PTPRF: variants seen among roughly 807,000 people sequenced by gnomAD.
The protein encoded by PTPRF is receptor-type tyrosine-protein phosphatase F.
PTPRF carries 59 observed loss-of-function variants against 201.8 expected under a neutral mutation model. That is an observed-to-expected ratio of 0.29 (90% CI 0.24 to 0.36). The LOEUF (loss-of-function observed/expected upper bound fraction) is 0.36, where lower values mean the gene tolerates loss of function less well. Ranked by LOEUF, PTPRF falls within the 10% of genes least tolerant of loss-of-function variation. The pLI, the probability that PTPRF is intolerant of heterozygous loss-of-function variation, is 1.00. For synonymous variants in PTPRF, 1,088 were observed against 1,089.7 expected, an observed-to-expected ratio of 1.00 and a Z score of 0.03; for missense variants, 2,132 against 2,690.5, an observed-to-expected ratio of 0.79 and a Z score of 4.59.
chr1:43,619,653 G>C (rs769907297), intron 28 of PTPRF, 27 bp from the exon 29 acceptor site: 3 of 1,612,908 alleles, frequency 1.9e-6, no homozygotes, highest in Middle Eastern at 1.7e-4. Context: ...AGGAAGCCTG[G>C]CCTGACCAAT....
At chr1:43,559,753 G>A (rs1379468569) in intron 5 of PTPRF, among the ~76,000 whole-genome samples, 1 of 151,110 alleles carries the variant, frequency 6.6e-6, no homozygotes, top group Non-Finnish European at 1.5e-5. Context: ...GTGTGTGTGT[G>A]TGTGTTTGTA....
intron 5 of PTPRF, among the ~76,000 whole-genome samples, chr1:43,567,512 G>T (rs1332357443): frequency 6.6e-6 from 1 of 152,220 alleles, no homozygotes; most frequent in Non-Finnish European, 1.5e-5. Flanking sequence ...GCAAGGCCGT[G>T]CTGGGAATCC....
chr1:43,553,294 T>C lies in PTPRF; in HGVS notation c.92-198T>C, dbSNP rs6691699. Reference sequence around the variant, plus strand: ...CTAGAAACAGATACAGTTATAGCACTCACCTCATATGCTTAACAGAGTTAA... The same window carrying C: ...CTAGAAACAGATACAGTTATAGCACCCACCTCATATGCTTAACAGAGTTAA... On this transcript the variant is annotated intron_variant, in intron 3 of 33. Coordinates refer to ENST00000359947, the MANE Select transcript of PTPRF (RefSeq NM_002840.5). The surrounding 1 kb of genome is among the most constrained non-coding windows in gnomAD (Gnocchi z 4.1). Among the ~76,000 whole-genome samples, 4,745 of 152,274 alleles carry C rather than the reference T, an allele frequency of 0.031. 258 individuals are homozygous for C. The highest frequency in any genetic ancestry group is 0.11 in the African/African-American group (4,445 of 41,522).
intron 5 of PTPRF, among the ~76,000 whole-genome samples, chr1:43,568,711 G>A (rs1027689283): frequency 3.3e-5 from 5 of 151,912 alleles, no homozygotes; most frequent in Non-Finnish European, 5.9e-5. Flanking sequence ...GCAGCCCCTC[G>A]GGGCTGATAT....
Position 43,622,765 on chromosome 1 carries a change from A to G in PTPRF, c.*762A>G, listed in dbSNP as rs1659461112. 1.3e-5 allele frequency: 2 copies of G among 152,630 alleles called. No homozygotes were observed. Among genetic ancestry groups the G allele is most frequent in the South Asian group, 4.1e-4 (2 of 4,830 alleles). The allele number at this position is 152,630 out of a possible 1,614,324, so 9.5% of individuals were successfully genotyped here. A position where few individuals can be genotyped will look rare whatever the true frequency, so the allele number is the denominator to read the frequency against. ...TCGTCTATCCCAGTGTGTGTTTAAC[A>G]TTCACAGCCCAGAACCACAGATGTG... On this transcript the variant is annotated 3_prime_UTR_variant, in exon 34 of 34. Transcript: ENST00000359947.
upstream of PTPRF, among the ~76,000 whole-genome samples, chr1:43,523,961 G>C (rs1643021745): frequency 6.6e-6 from 1 of 150,484 alleles, no homozygotes; most frequent in African/African-American, 2.4e-5. Flanking sequence ...TACTCGGGAG[G>C]CTGAGGCACA....
intron 12 of PTPRF, 33 bp from the exon 13 acceptor site, chr1:43,598,687 A>G: frequency 6.3e-7 from 1 of 1,597,528 alleles, no homozygotes; most frequent in Non-Finnish European, 8.6e-7. Context: ...TGATACCTCC[A>G]GGCCTGACTT....
Position 43,591,808 on chromosome 1 carries a change from G to C in PTPRF, c.1532-4G>C. ...GCTGACCTGCCTGGTGTGGGGTGTT[G>C]CAGTGCCTGCCCAGCCCGCGGACTT... On this transcript the variant is annotated splice_polypyrimidine_tract_variant and splice_region_variant and intron_variant, in intron 9 of 33. Coordinates refer to ENST00000359947, the MANE Select transcript of PTPRF (RefSeq NM_002840.5). 6.2e-7 allele frequency: 1 copy of C among 1,613,030 alleles called. No homozygotes were observed. The highest frequency in any genetic ancestry group is 1.1e-5 in the South Asian group (1 of 91,030).
Position 43,591,356 on chromosome 1 carries a change from G to T in PTPRF, c.1334G>T (p.Arg445Leu). ...EPPEEPNGLV[R>L]GYRVYYTPDS... Reference sequence around the variant, plus strand: ...CCCGAGGAGCCCAACGGCCTGGTGCGGGGATACCGCGTCTACTATACTCCG... The same window carrying T: ...CCCGAGGAGCCCAACGGCCTGGTGCTGGGATACCGCGTCTACTATACTCCG... The change falls in exon 9 of 34, where the codon CGG (arginine) becomes CTG (leucine). Residue 445 changes from arginine to leucine, a missense_variant. This residue lies in a region of PTPRF where 351 missense variants were observed against 401.7 expected (regional missense o/e 0.87). Transcript: ENST00000359947. 2.6e-6 allele frequency: 4 copies of T among 1,553,748 alleles called. No homozygotes were observed. Among genetic ancestry groups the T allele is most frequent in the Non-Finnish European group, 2.6e-6 (3 of 1,149,966 alleles).
Position 43,591,251 on chromosome 1 carries a change from A to G in PTPRF, c.1229A>G (p.Glu410Gly), listed in dbSNP as rs1347204574. The G allele has an allele frequency of 6.3e-7, 1 of 1,584,516 alleles. No individual in the cohort carries two copies. The highest frequency in any genetic ancestry group is 1.3e-5 in the African/African-American group (1 of 74,416). Reference protein sequence around the residue: ...PSEAVRARTGEQAPSSPPRRV... With the variant: ...PSEAVRARTGGQAPSSPPRRV... Reference sequence around the variant, plus strand: ...GAGGCAGTGCGGGCACGCACGGGAGAACAGGCGCCCTCCAGCCCACCGCGC... The same window carrying G: ...GAGGCAGTGCGGGCACGCACGGGAGGACAGGCGCCCTCCAGCCCACCGCGC... Residue 410 changes from glutamate to glycine, a missense_variant, in exon 9 of 34, where the codon GAA (glutamate) becomes GGA (glycine). By Grantham distance (98) the Glu-to-Gly change is moderately conservative (BLOSUM62 -2). Around this residue, in one of 6 missense-constraint regions of PTPRF, gnomAD observed 351 missense variants for 401.7 expected, o/e 0.87. Transcript: ENST00000359947.
rs1370260903 is a variant in PTPRF, at chr1:43,531,590, C to T, written c.-126+500C>T. Among the ~76,000 whole-genome samples the T allele has an allele frequency of 4.7e-5, 7 of 149,554 alleles. No individual in the cohort carries two copies. In the South Asian group the frequency reaches 1.0e-3, roughly 22 times the overall value. The stretch of plus-strand genomic sequence containing the variant: ...CGCCCCCTCCCAGCCGGCGGGGGAT[C>T]CGCAGCCGGCGCGCCCGGGTCTCGC... On this transcript the variant is annotated intron_variant, in intron 1 of 33. Coordinates refer to ENST00000359947, the MANE Select transcript of PTPRF (RefSeq NM_002840.5).
At position 43,618,053 on chromosome 1, in the gene PTPRF, A is replaced by C. The variant is rs1047358192; in HGVS notation, c.4371+142A>C. The C allele has an allele frequency of 4.6e-6, 4 of 872,604 alleles. No homozygotes were observed. The Admixed American group carries it at 1.2e-4, about 25-fold the overall frequency. The allele number at this position is 872,604 out of a possible 1,614,324, so 54.1% of individuals were successfully genotyped here. On this transcript the variant is annotated intron_variant, in intron 25 of 33. Coordinates refer to ENST00000359947, the MANE Select transcript of PTPRF (RefSeq NM_002840.5). ...AGATGCTATTGTTACTGGGGGTATTATGCTCCCCAAATACTGGGTGTTTCT... is the reference window on the plus strand; with the variant it reads ...AGATGCTATTGTTACTGGGGGTATTCTGCTCCCCAAATACTGGGTGTTTCT...
intron 7 of PTPRF, among the ~76,000 whole-genome samples, chr1:43,581,857 C>T (rs557016805): frequency 6.5e-4 from 99 of 152,368 alleles, no homozygotes; most frequent in African/African-American, 2.0e-3. Context: ...TTCTCAGCCG[C>T]AGCACTGTTG....
At chr1:43,562,906 G>A (rs996520658) in intron 5 of PTPRF, among the ~76,000 whole-genome samples, 5 of 151,838 alleles carry the variant, frequency 3.3e-5, no homozygotes, top group East Asian at 2.0e-4. Flanking sequence ...GGCCGGGCAC[G>A]GTGGATCATG....
At chr1:43,607,894 C>T (rs191426165) in intron 21 of PTPRF, among the ~76,000 whole-genome samples, 1 of 152,370 alleles carries the variant, frequency 6.6e-6, no homozygotes, top group Admixed American at 6.5e-5. Context: ...CCACTGCAAA[C>T]GCAGCTGGGC....
intron 21 of PTPRF, among the ~76,000 whole-genome samples, chr1:43,609,035 T>G (rs950641802): frequency 2.6e-5 from 4 of 152,184 alleles, no homozygotes; most frequent in African/African-American, 9.7e-5. Context: ...TTGTTCCCGG[T>G]GGTTCCTGCT....
intron 23 of PTPRF, among the ~76,000 whole-genome samples, chr1:43,617,089 G>C (rs889491349): frequency 3.3e-5 from 5 of 151,978 alleles, no homozygotes; most frequent in African/African-American, 9.7e-5. Context: ...GGTGTTCAGA[G>C]CCCTCAGCAG....
rs547967939 is a variant in PTPRF, at chr1:43,569,494, G to A, written c.380-96G>A. ...AGGAAAGGGGAGGGGAGTCTTGAGG[G>A]CCCTGGCCAACCTGCAGTTGGGGAG... is the stretch of plus-strand genomic sequence containing the variant. On this transcript the variant is annotated intron_variant, in intron 5 of 33. Coordinates refer to ENST00000359947, the MANE Select transcript of PTPRF (RefSeq NM_002840.5). 6 of 1,308,460 alleles carry A rather than the reference G, an allele frequency of 4.6e-6. No individual in the cohort carries two copies. In the Admixed American group the frequency reaches 1.2e-4, roughly 25 times the overall value. The allele number at this position is 1,308,460 out of a possible 1,614,324, so 81.1% of individuals were successfully genotyped here.
intron 16 of PTPRF, 25 bp downstream of exon 16, chr1:43,604,214 C>A: frequency 6.2e-7 from 1 of 1,601,958 alleles, no homozygotes; most frequent in Non-Finnish European, 8.5e-7. Context: ...CATGGCATCC[C>A]TTCCCGAGTG....
Sources: gnomAD v4.1 joint callset for allele counts (sites outside exome capture counted in the v4.1 genomes callset) on GRCh38, gnomAD v4.1.1 for gene constraint, gnomAD v4.1.1 regional missense constraint, Gnocchi (gnomAD v3.1) non-coding constraint, MANE v1.5 for transcripts, NCBI Gene and HGNC (gene_info 2026-07-23, HGNC 2026-07-21) for gene names.